The following H6PD variants were observed in gnomAD, a reference collection of about 807,000 sequenced individuals.
H6PD encodes GDH/6PGL endoplasmic bifunctional protein.
H6PD carries 48 observed loss-of-function variants against 61.2 expected under a neutral mutation model. The ratio of observed to expected loss-of-function variants is 0.78; its 90% CI spans 0.62 to 1.00. The LOEUF is 1.00. H6PD is among the 50% of genes least tolerant of loss of function. H6PD has a pLI of 0.00. For missense variants in H6PD, 1,093 were observed against 1,065.0 expected (o/e 1.03, Z -0.37); for synonymous variants, 480 against 457.9 (o/e 1.05, Z -0.62).
At chr1:9,235,824 C>G (rs2100297887) in intron 1 of H6PD, among the ~76,000 whole-genome samples, 1 of 152,268 alleles carries the variant, frequency 6.6e-6, no homozygotes, top group East Asian at 1.9e-4. Flanking sequence ...GTTGCCCTGG[C>G]TGGTCTCGAA....
At chr1:9,261,975 G>A in intron 3 of H6PD, 84 bp from the exon 4 acceptor site, 1 of 1,364,526 alleles carries the variant, frequency 7.3e-7, no homozygotes, top group Non-Finnish European at 1.0e-6. Context: ...GAATGTGCGG[G>A]CTGGGGTTTT....
In H6PD at chr1:9,234,934, T is replaced by C. The variant is rs1374581715; in HGVS notation, c.-143T>C. 2 of 147,688 alleles carry C rather than the reference T, an allele frequency of 1.4e-5. No homozygotes were observed. Among genetic ancestry groups the C allele is most frequent in the African/African-American group, 2.4e-5 (1 of 40,936 alleles). 9.1% of individuals were successfully genotyped at this position (147,688 alleles called of 1,614,324 possible). ...CGCGTGGCCGCGTGACACGCGCACT[T>C]GTCGGAGTGACGGGCCCTGCGGAAG... is the stretch of plus-strand genomic sequence containing the variant. On this transcript the variant is annotated 5_prime_UTR_variant, in exon 1 of 5. Transcript: ENST00000377403.
chr1:9,259,756 G>C (rs1641656303), intron 3 of H6PD, among the ~76,000 whole-genome samples: 2 of 152,016 alleles, frequency 1.3e-5, no homozygotes, highest in South Asian at 4.1e-4. Flanking sequence ...TGTTGCTGTT[G>C]TTACACTGGT....
intron 3 of H6PD, among the ~76,000 whole-genome samples, chr1:9,261,443 T>C (rs1638285599): frequency 6.6e-6 from 1 of 152,076 alleles, no homozygotes; most frequent in African/African-American, 2.4e-5. Flanking sequence ...GGAGGGGCCT[T>C]TTCATTACCC....
chr1:9,239,409 C>T (rs1381136395), intron 1 of H6PD, among the ~76,000 whole-genome samples: 1 of 152,138 alleles, frequency 6.6e-6, no homozygotes, highest in Non-Finnish European at 1.5e-5. Flanking sequence ...GCTTTTGTCC[C>T]CATTCTGGCC....
chr1:9,263,065 G>T (rs1017460158), intron 4 of H6PD, among the ~76,000 whole-genome samples: 2 of 152,008 alleles, frequency 1.3e-5, no homozygotes, highest in African/African-American at 2.4e-5. Flanking sequence ...TCCTCACCCC[G>T]CACCTCTGAC....
At chr1:9,255,795 G>A (rs1042230701) in intron 3 of H6PD, among the ~76,000 whole-genome samples, 7 of 152,132 alleles carry the variant, frequency 4.6e-5, no homozygotes, top group African/African-American at 1.7e-4. Flanking sequence ...TTTCGCTTTT[G>A]CTGGCCCCGG....
At chr1:9,255,839 C>A (rs1233712990) in intron 3 of H6PD, among the ~76,000 whole-genome samples, 2 of 152,124 alleles carry the variant, frequency 1.3e-5, no homozygotes, top group African/African-American at 4.8e-5. Context: ...TGCCCTAGAC[C>A]CCTCCTTCCA....
At chr1:9,258,864 G>C (rs1170347849) in intron 3 of H6PD, among the ~76,000 whole-genome samples, 3 of 149,716 alleles carry the variant, frequency 2.0e-5, no homozygotes, top group African/African-American at 7.7e-5. Flanking sequence ...TGTTACTGTT[G>C]TTATGTTGTT....
At chr1:9,244,782 G>A in intron 1 of H6PD, 143 bp from the exon 2 acceptor site, 1 of 790,050 alleles carries the variant, frequency 1.3e-6, no homozygotes, top group East Asian at 2.6e-5. Flanking sequence ...CAGGAGGGAG[G>A]GACAAGCTGT....
intron 3 of H6PD, among the ~76,000 whole-genome samples, chr1:9,261,555 C>T (rs1359797869): frequency 3.3e-5 from 5 of 152,202 alleles, no homozygotes; most frequent in African/African-American, 4.8e-5. Flanking sequence ...GGTGTGCGCC[C>T]GGTAGTGAGG....
chr1:9,258,232 C>T (rs1641584419), intron 3 of H6PD, among the ~76,000 whole-genome samples: 1 of 151,844 alleles, frequency 6.6e-6, no homozygotes, highest in Non-Finnish European at 1.5e-5. Flanking sequence ...TGTTGTTACG[C>T]TGGTGGTGTT....
intron 3 of H6PD, among the ~76,000 whole-genome samples, chr1:9,258,032 C>T (rs1181800801): frequency 1.3e-5 from 2 of 152,274 alleles, no homozygotes; most frequent in African/African-American, 2.4e-5. Context: ...CTTCTGCCCC[C>T]GCGCCTGGTC....
At chr1:9,247,715 C>T (rs761671290) in intron 3 of H6PD, among the ~76,000 whole-genome samples, 1 of 152,202 alleles carries the variant, frequency 6.6e-6, no homozygotes, top group Non-Finnish European at 1.5e-5. Context: ...ACTGAGTATA[C>T]ACCCGGGAGG....
intron 3 of H6PD, among the ~76,000 whole-genome samples, chr1:9,253,992 T>C (rs1352489321): frequency 6.6e-6 from 1 of 152,168 alleles, no homozygotes; most frequent in African/African-American, 2.4e-5. Context: ...CGGGGATTGT[T>C]GCTTGTTCGT....
Position 9,264,659 on chromosome 1 carries a change from C to T in H6PD, c.2166C>T (p.Pro722=). 1 of 1,613,162 alleles carries T rather than the reference C, an allele frequency of 6.2e-7. No individual in the cohort carries two copies. Among genetic ancestry groups the T allele is most frequent in the Non-Finnish European group, 8.5e-7 (1 of 1,179,964 alleles). ...AGCTGGTCGTGCTGACCACGAGCCCCTCCCAGCCACACCGCCGCATGAGCC... is the reference window on the plus strand; with the variant it reads ...AGCTGGTCGTGCTGACCACGAGCCCTTCCCAGCCACACCGCCGCATGAGCC... ...GEQLVVLTTS[P]SQPHRRMSLS... The change falls in exon 5 of 5, where the codon CCC becomes CCT. Residue 722 remains proline, a synonymous_variant. Transcript: ENST00000377403.
At chr1:9,259,662 T>TGGTGTTGTTACATTGCTCTTAACACC (rs1641652546) in intron 3 of H6PD, among the ~76,000 whole-genome samples, 1 of 152,172 alleles carries the variant, frequency 6.6e-6, no homozygotes, top group Non-Finnish European at 1.5e-5. Context: ...GTTGTTATGC[T>TGGTGTTGTTACATTGCTCTTAACACC]GGTGTTGTTA....
rs779136403 is a variant in H6PD at position 9,247,047 on chromosome 1, G to A, written c.709G>A (p.Val237Met). The A allele has an allele frequency of 2.5e-6, 4 of 1,613,852 alleles. No homozygotes were observed. Among genetic ancestry groups the A allele is most frequent in the Non-Finnish European group, 2.5e-6 (3 of 1,179,720 alleles). ...CTGGAACCGGCACCATGTGGAGCGG[G>A]TGGAGATCATCATGAAAGAGACCGT... The part of the protein sequence containing the change: ...GLWNRHHVER[V>M]EIIMKETVDA... Residue 237 changes from valine to methionine, a missense_variant, in exon 3 of 5, where the codon GTG becomes ATG. By Grantham distance (21) the Val-to-Met change is conservative. Coordinates refer to ENST00000377403, the MANE Select transcript of H6PD (RefSeq NM_004285.4).
At chr1:9,261,948 G>T in intron 3 of H6PD, 111 bp from the exon 4 acceptor site, 1 of 1,083,322 alleles carries the variant, frequency 9.2e-7, no homozygotes, top group East Asian at 2.4e-5. Context: ...GTGGACTGGG[G>T]GAAGAGGATG....
Sources: allele counts gnomAD v4.1 joint callset (sites outside exome capture counted in the v4.1 genomes callset), GRCh38; gene constraint gnomAD v4.1.1; transcripts MANE v1.5; gene names NCBI Gene and HGNC (gene_info 2026-07-23, HGNC 2026-07-21).